The following MTREX variants were observed in gnomAD, a reference collection of about 807,000 sequenced individuals.
MTREX encodes exosome RNA helicase MTR4.
MTREX carries 76 observed loss-of-function variants against 135.4 expected under a neutral mutation model. The observed-to-expected ratio is 0.56, with a 90% CI of 0.47 to 0.68. MTREX has a LOEUF of 0.68. Among genes scored for constraint, MTREX ranks in the 30% least tolerant of loss-of-function variants. The pLI is 0.00. For synonymous variants in MTREX, 404 were observed against 401.6 expected, an observed-to-expected ratio of 1.01 and a Z score of -0.07; for missense variants, 920 against 1,262.1, an observed-to-expected ratio of 0.73 and a Z score of 4.11.
At chr5:55,409,462 A>G (rs1219320896) in intron 22 of MTREX, among the ~76,000 whole-genome samples, 1 of 152,182 alleles carries the variant, frequency 6.6e-6, no homozygotes, top group Non-Finnish European at 1.5e-5. Context: ...ATATAAGGAA[A>G]TTGGAAAGAG....
intron 15 of MTREX, among the ~76,000 whole-genome samples, chr5:55,362,868 G>C (rs1330866349): frequency 6.6e-6 from 1 of 152,120 alleles, no homozygotes; most frequent in African/African-American, 2.4e-5. Flanking sequence ...AGAAATACAT[G>C]CTCCAATATA....
At chr5:55,384,983 T>C (rs969053882) in intron 18 of MTREX, among the ~76,000 whole-genome samples, 1 of 152,224 alleles carries the variant, frequency 6.6e-6, no homozygotes, top group African/African-American at 2.4e-5. Context: ...GATCTACCAG[T>C]TGCATTTCAC....
intron 15 of MTREX, 132 bp from the exon 16 acceptor site, chr5:55,366,593 C>T: frequency 1.7e-6 from 1 of 588,730 alleles, no homozygotes; most frequent in Non-Finnish European, 2.6e-6. Context: ...TATTGGTTAA[C>T]TAAAGGGTAG....
At chr5:55,335,950 G>A (rs902294303) in intron 5 of MTREX, among the ~76,000 whole-genome samples, 7 of 152,044 alleles carry the variant, frequency 4.6e-5, no homozygotes, top group African/African-American at 1.7e-4. Context: ...GCAATTTTCA[G>A]TGTATAGGTC....
intron 19 of MTREX, among the ~76,000 whole-genome samples, chr5:55,396,682 G>A (rs1358324657): frequency 6.6e-6 from 1 of 152,220 alleles, no homozygotes; most frequent in Non-Finnish European, 1.5e-5. Context: ...GCTGAAGACT[G>A]AGTTCAATCA....
At chr5:55,380,028 C>T (rs773276765) in intron 18 of MTREX, among the ~76,000 whole-genome samples, 2 of 152,108 alleles carry the variant, frequency 1.3e-5, no homozygotes, top group African/African-American at 2.4e-5. Flanking sequence ...CTCCGCCTCC[C>T]GGTTTCATGC....
chr5:55,351,513 C>T (rs1749827915), intron 13 of MTREX, among the ~76,000 whole-genome samples: 1 of 152,140 alleles, frequency 6.6e-6, no homozygotes, highest in African/African-American at 2.4e-5. Context: ...GCCTGGACAA[C>T]AAGAGCAAAA....
In MTREX at chr5:55,364,180, G is replaced by T. The variant is rs185453310; in HGVS notation, c.1660-2545G>T. 8.6e-4 allele frequency among the ~76,000 whole-genome samples: 131 copies of T among 152,272 alleles called. 3 individuals carry two copies. The highest frequency in any genetic ancestry group is 8.6e-3 in the Admixed American group (131 of 15,294). On this transcript the variant is annotated intron_variant, in intron 15 of 26. Coordinates refer to ENST00000230640, the MANE Select transcript of MTREX (RefSeq NM_015360.5). ...GAAACAGGAGAGGCTTTAGCATCGA[G>T]AATTAACATGTATTTGGATTTCTTA... is the stretch of plus-strand genomic sequence containing the variant.
In MTREX at chr5:55,351,051, T is replaced by C. The variant is rs749773319; in HGVS notation, c.1431+22T>C. 145 of 1,579,684 alleles carry C rather than the reference T, an allele frequency of 9.2e-5. 1 individual carries two copies. In the South Asian group the frequency reaches 1.6e-3, roughly 17 times the overall value. Reference sequence around the variant, plus strand: ...AAAGGTATGGTTTTATTTTTATTTTTTATGCCCCCATATCATGTTGTATGA... The same window carrying C: ...AAAGGTATGGTTTTATTTTTATTTTCTATGCCCCCATATCATGTTGTATGA... On this transcript the variant is annotated intron_variant, in intron 13 of 26. Coordinates refer to ENST00000230640, the MANE Select transcript of MTREX (RefSeq NM_015360.5).
chr5:55,375,391 T>C (rs575262606), intron 16 of MTREX, among the ~76,000 whole-genome samples: 77 of 152,264 alleles, frequency 5.1e-4, no homozygotes, highest in African/African-American at 1.9e-3. Flanking sequence ...TAGGTGTGCA[T>C]TCTCTTTCTC....
intron 18 of MTREX, among the ~76,000 whole-genome samples, chr5:55,384,348 T>G (rs1318041984): frequency 6.6e-6 from 1 of 152,236 alleles, no homozygotes; most frequent in Non-Finnish European, 1.5e-5. Flanking sequence ...TAAAATTTGC[T>G]TTTGGTTTCT....
intron 4 of MTREX, 64 bp downstream of exon 4, chr5:55,327,842 A>G (rs1749408265): frequency 8.3e-7 from 1 of 1,204,122 alleles, no homozygotes; most frequent in Admixed American, 2.0e-5. Context: ...TAAAATTCTT[A>G]TTTCAAATGA....
At chr5:55,412,313 A>G (rs1388323738) in intron 23 of MTREX, among the ~76,000 whole-genome samples, 1 of 152,200 alleles carries the variant, frequency 6.6e-6, no homozygotes, top group Non-Finnish European at 1.5e-5. Flanking sequence ...TTTAAAATGT[A>G]TTTATAAAAC....
intron 14 of MTREX, among the ~76,000 whole-genome samples, chr5:55,356,080 G>C (rs1279442971): frequency 6.6e-6 from 1 of 152,202 alleles, no homozygotes; most frequent in Non-Finnish European, 1.5e-5. Context: ...CTCATTCAGG[G>C]AGTCACAGAC....
chr5:55,354,959 A>G (rs1749886574), intron 14 of MTREX, among the ~76,000 whole-genome samples: 1 of 152,212 alleles, frequency 6.6e-6, no homozygotes, highest in Admixed American at 6.5e-5. Flanking sequence ...CTGGAAGGCT[A>G]ATGCCATGAG....
Position 55,420,326 on chromosome 5 carries a change from C to CT in MTREX, c.2972-2550dup, listed in dbSNP as rs564412105. 1.2e-4 allele frequency among the ~76,000 whole-genome samples: 19 copies of CT among 152,292 alleles called. 1 individual carries two copies. In the South Asian group the frequency reaches 3.1e-3, roughly 25 times the overall value. ...TCGGGAAAATCTGCTGCTTTCTCTCCTTAATGAGAATGATGCTGTTTTGTT... is the reference window on the plus strand; with the variant it reads ...TCGGGAAAATCTGCTGCTTTCTCTCCTTTAATGAGAATGATGCTGTTTTGTT... On this transcript the variant is annotated intron_variant, in intron 25 of 26. Coordinates refer to ENST00000230640, the MANE Select transcript of MTREX (RefSeq NM_015360.5).
rs1183326818 is a variant in MTREX, at chr5:55,418,158, T to C, written c.2971+2026T>C. On this transcript the variant is annotated intron_variant, in intron 25 of 26. Coordinates refer to ENST00000230640, the MANE Select transcript of MTREX (RefSeq NM_015360.5). ...CTGAGGCAGGAGAATGGCGTGAACC[T>C]GGGAGGCAGAGCTTGCAGTGAGCTG... is the stretch of plus-strand genomic sequence containing the variant. Among the ~76,000 whole-genome samples, 37 of 145,008 alleles carry C rather than the reference T, an allele frequency of 2.6e-4. 1 individual carries two copies. The highest frequency in any genetic ancestry group is 1.8e-3 in the East Asian group (9 of 4,976).
At chr5:55,322,070 A>G (rs1350824432) in intron 1 of MTREX, among the ~76,000 whole-genome samples, 2 of 152,214 alleles carry the variant, frequency 1.3e-5, no homozygotes, top group African/African-American at 4.8e-5. Context: ...TAAAGAAAAT[A>G]TATTTAATAG....
intron 18 of MTREX, among the ~76,000 whole-genome samples, chr5:55,382,781 C>T (rs545787395): frequency 4.2e-4 from 64 of 152,060 alleles, no homozygotes; most frequent in African/African-American, 1.4e-3. Flanking sequence ...TACAGGCTCA[C>T]GCCACCACAC....
Sources: allele counts gnomAD v4.1 joint callset (sites outside exome capture counted in the v4.1 genomes callset), GRCh38; gene constraint gnomAD v4.1.1; transcripts MANE v1.5; gene names NCBI Gene and HGNC (gene_info 2026-07-23, HGNC 2026-07-21).